CALN1: variants seen among roughly 807,000 people sequenced by gnomAD.
CALN1 encodes the protein calcium-binding protein 8.
CALN1 carries 17 observed loss-of-function variants against 30.6 expected under a neutral mutation model. The observed-to-expected ratio is 0.56, with a 90% CI of 0.38 to 0.83. The LOEUF (loss-of-function observed/expected upper bound fraction) is 0.83. CALN1 is among the 40% of genes least tolerant of loss of function. The pLI, the probability that CALN1 is intolerant of heterozygous loss-of-function variation, is 0.00. For missense variants in CALN1, 291 were observed against 354.9 expected (o/e 0.82, Z 1.45); for synonymous variants, 156 against 131.4 (o/e 1.19, Z -1.28).
chr7:72,113,359 C>T (rs1052574958), intron 3 of CALN1, among the ~76,000 whole-genome samples: 2 of 152,202 alleles, frequency 1.3e-5, no homozygotes, highest in African/African-American at 4.8e-5. Flanking sequence ...TTGCCTTTCT[C>T]CACGGGTAGA....
chr7:72,394,757 G>C (rs772518502), intron 2 of CALN1, among the ~76,000 whole-genome samples: 4 of 151,380 alleles, frequency 2.6e-5, no homozygotes, highest in Non-Finnish European at 4.4e-5. Flanking sequence ...AAATTCCTGG[G>C]ATCAAGCAAT....
chr7:71,788,568 T>G lies in CALN1; in HGVS notation c.659-666A>C, dbSNP rs143390582. Among the ~76,000 whole-genome samples the G allele has an allele frequency of 4.3e-3, 651 of 150,152 alleles. 4 individuals are homozygous for G. The highest frequency in any genetic ancestry group is 0.024 in the Middle Eastern group (7 of 292). On this transcript the variant is annotated intron_variant, in intron 6 of 6. Transcript: ENST00000395275. ...GTGCAGTGGTACTACTGTAGCTCAC[T>G]GCAGCCTTCTTAACCTCCTGGGCTC...
intron 5 of CALN1, among the ~76,000 whole-genome samples, chr7:71,812,820 T>C (rs976014488): frequency 1.3e-5 from 2 of 152,002 alleles, no homozygotes; most frequent in Non-Finnish European, 2.9e-5. Context: ...CACAGCTCAC[T>C]GCAACTTCAA....
At chr7:72,231,921 G>A (rs1012539933) in intron 3 of CALN1, among the ~76,000 whole-genome samples, 6 of 152,192 alleles carry the variant, frequency 3.9e-5, no homozygotes, top group African/African-American at 1.4e-4. Flanking sequence ...GCACTGGGGG[G>A]CAGGAGAGAG....
intron 2 of CALN1, among the ~76,000 whole-genome samples, chr7:72,399,578 G>A (rs944806949): frequency 6.6e-6 from 1 of 152,028 alleles, no homozygotes; most frequent in Admixed American, 6.6e-5. Flanking sequence ...CTAACCTATT[G>A]CTTTTGTTCC....
At chr7:72,085,509 T>C (rs1805427654) in intron 4 of CALN1, among the ~76,000 whole-genome samples, 1 of 152,160 alleles carries the variant, frequency 6.6e-6, no homozygotes, top group Non-Finnish European at 1.5e-5. Context: ...GGAAAAAGCA[T>C]AGTATATACA....
chr7:72,489,560 T>C, the CALN1 span, among the ~76,000 whole-genome samples: 2 of 151,398 alleles, frequency 1.3e-5, no homozygotes, highest in Admixed American at 1.3e-4. Flanking sequence ...AGAACTCATG[T>C]TGTTTCTTGA....
rs13223098 is a variant in CALN1, at chr7:72,321,162, G to T, written c.120-42352C>A. ...AACACTTGATCTTCTAGGACATAAT[G>T]CACACACCCTGAAAAAGCACTGTCT... On this transcript the variant is annotated intron_variant, in intron 2 of 6. Coordinates refer to ENST00000395275, the MANE Select transcript of CALN1 (RefSeq NM_031468.4). Among the ~76,000 whole-genome samples the T allele has an allele frequency of 2.7e-5, 4 of 146,856 alleles. No individual in the cohort carries two copies. The South Asian group carries it at 6.7e-4, about 25-fold the overall frequency.
chr7:71,940,028 T>G (rs35437349), intron 5 of CALN1, among the ~76,000 whole-genome samples: 34,062 of 151,954 alleles, frequency 0.22, 3,917 homozygotes, highest in East Asian at 0.48. Flanking sequence ...CTGTGTCCCC[T>G]CCTAAACCTT....
rs1792917406 is a variant in CALN1, at chr7:71,785,109, T to TG, written c.*2665dup. On this transcript the variant is annotated 3_prime_UTR_variant, in exon 7 of 7. Transcript: ENST00000395275. ...TGTCCTTCAGTCCCTGGGTGCCACA[T>TG]GGGGGGTTACCACAGTGGGAAGATA... is the stretch of plus-strand genomic sequence containing the variant. 3 of 380,230 alleles carry TG rather than the reference T, an allele frequency of 7.9e-6. No individual in the cohort carries two copies. Among genetic ancestry groups the TG allele is most frequent in the Non-Finnish European group, 9.3e-6 (2 of 215,078 alleles). The allele number at this position is 380,230 out of a possible 1,614,324, so 23.6% of individuals were successfully genotyped here.
intron 4 of CALN1, among the ~76,000 whole-genome samples, chr7:72,048,147 C>A (rs1256175285): frequency 6.6e-6 from 1 of 150,830 alleles, no homozygotes; most frequent in South Asian, 2.1e-4. Flanking sequence ...TCAAGCGATT[C>A]CCCTGCCTCA....
intron 2 of CALN1, among the ~76,000 whole-genome samples, chr7:72,314,872 G>T (rs553075691): frequency 6.7e-6 from 1 of 150,080 alleles, no homozygotes; most frequent in African/African-American, 2.5e-5. Flanking sequence ...TATAGGCTGG[G>T]CACAGTGGCT....
intron 1 of CALN1, among the ~76,000 whole-genome samples, chr7:72,440,735 G>A (rs1808319443): frequency 2.0e-5 from 3 of 152,216 alleles, no homozygotes; most frequent in Admixed American, 1.3e-4. Context: ...GCTGAAACAG[G>A]AGAATTGCTT....
At chr7:72,077,930 T>C (rs189055090) in intron 4 of CALN1, among the ~76,000 whole-genome samples, 4 of 152,320 alleles carry the variant, frequency 2.6e-5, no homozygotes, top group African/African-American at 9.6e-5. Context: ...CCCCCTGAAA[T>C]TCTCCTCACC....
chr7:72,186,615 T>A (rs936112057), intron 3 of CALN1, among the ~76,000 whole-genome samples: 2 of 152,132 alleles, frequency 1.3e-5, no homozygotes, highest in African/African-American at 4.8e-5. Context: ...CCCATCTTTA[T>A]GTCCATGAGT....
intron 3 of CALN1, among the ~76,000 whole-genome samples, chr7:72,156,095 G>A (rs993314339): frequency 1.3e-5 from 2 of 152,102 alleles, no homozygotes; most frequent in African/African-American, 4.8e-5. Flanking sequence ...CATCTTTGCA[G>A]GGGCCATCAT....
At chr7:71,791,204 T>C (rs917935197) in intron 6 of CALN1, among the ~76,000 whole-genome samples, 1 of 152,210 alleles carries the variant, frequency 6.6e-6, no homozygotes, top group African/African-American at 2.4e-5. Context: ...TAGTATTCCA[T>C]GGTGTTTATG....
chr7:72,094,167 A>T (rs1806060717), intron 4 of CALN1, among the ~76,000 whole-genome samples: 1 of 152,248 alleles, frequency 6.6e-6, no homozygotes, highest in African/African-American at 2.4e-5. Context: ...CAATCAGCTT[A>T]CATCTGGGGA....
chr7:72,034,571 C>T (rs1801670377), intron 4 of CALN1, among the ~76,000 whole-genome samples: 1 of 151,588 alleles, frequency 6.6e-6, no homozygotes, highest in African/African-American at 2.4e-5. Flanking sequence ...TCAGACAGAT[C>T]ACTTGAGGCT....
Sources: gnomAD v4.1 joint callset for allele counts (sites outside exome capture counted in the v4.1 genomes callset) on GRCh38, gnomAD v4.1.1 for gene constraint, MANE v1.5 for transcripts, NCBI Gene and HGNC (gene_info 2026-07-23, HGNC 2026-07-21) for gene names.